AKAP13: variants seen among roughly 807,000 people sequenced by gnomAD.
AKAP13 encodes the protein A-kinase anchoring protein 13.
A neutral mutation model predicts 264.5 loss-of-function variants in AKAP13; 80 were observed. That is an observed-to-expected ratio of 0.30 (90% confidence interval 0.25 to 0.36). The LOEUF is 0.36. Ranked by LOEUF, AKAP13 falls within the 10% of genes least tolerant of loss-of-function variation. AKAP13 has a pLI of 1.00. For missense variants in AKAP13, 3,712 were observed against 3,435.2 expected, an observed-to-expected ratio of 1.08 and a Z score of -2.01; for synonymous variants, 1,380 against 1,250.2, an observed-to-expected ratio of 1.10 and a Z score of -2.19.
chr15:85,526,109 G>A (rs1467540105), intron 3 of AKAP13, among the ~76,000 whole-genome samples: 2 of 152,054 alleles, frequency 1.3e-5, no homozygotes, highest in African/African-American at 4.8e-5. Context: ...TGATAAGGGA[G>A]GGTACTTTAT....
At chr15:85,661,046 G>A (rs1191959084) in intron 12 of AKAP13, among the ~76,000 whole-genome samples, 3 of 152,150 alleles carry the variant, frequency 2.0e-5, no homozygotes, top group Non-Finnish European at 1.5e-5. Context: ...ATTGAGCCGA[G>A]TGTTTTTATT....
intron 2 of AKAP13, among the ~76,000 whole-genome samples, chr15:85,487,881 G>A (rs1170309827): frequency 2.0e-5 from 3 of 151,178 alleles, no homozygotes; most frequent in East Asian, 2.0e-4. Context: ...ACAGGTGTGC[G>A]CCATCATGCC....
Position 85,581,431 on chromosome 15 carries a change from G to T in AKAP13, c.3363G>T (p.Leu1121Phe), listed in dbSNP as rs780013818. The T allele has an allele frequency of 5.0e-6, 8 of 1,614,104 alleles. No individual in the cohort carries two copies. The highest frequency in any genetic ancestry group is 1.1e-5 in the South Asian group (1 of 91,084). Residue 1121 changes from leucine (L) to phenylalanine (F), a missense_variant, in exon 7 of 37, where the codon TTG becomes TTT. Transcript: ENST00000394518. ...AAGACATCCTGATTCCAAACGTCTT[G>T]TTGAGCCAAGAGAAGAATGCCGTTC... ...NTQDILIPNVLLSQEKNAVLG... is the reference protein window; with the variant it reads ...NTQDILIPNVFLSQEKNAVLG...
intron 1 of AKAP13, among the ~76,000 whole-genome samples, chr15:85,413,279 T>C (rs2072072499): frequency 6.6e-6 from 1 of 152,208 alleles, no homozygotes; most frequent in South Asian, 2.1e-4. Flanking sequence ...CTTTCAGAAC[T>C]TCAGAACAGA....
At chr15:85,686,190 C>CGTGT (rs372002113) in intron 16 of AKAP13, among the ~76,000 whole-genome samples, 21,486 of 63,588 alleles carry the variant, frequency 0.34, 2,025 homozygotes, top group Middle Eastern at 0.39. Flanking sequence ...CACGTGCATG[C>CGTGT]ATGTGTGTGT....
chr15:85,456,908 G>A (rs978854088), intron 1 of AKAP13, among the ~76,000 whole-genome samples: 1 of 152,140 alleles, frequency 6.6e-6, no homozygotes, highest in African/African-American at 2.4e-5. Context: ...TGAGGTTGTG[G>A]ATTTGGAGAA....
At chr15:85,460,156 A>G (rs1381409847) in intron 1 of AKAP13, among the ~76,000 whole-genome samples, 1 of 152,228 alleles carries the variant, frequency 6.6e-6, no homozygotes, top group African/African-American at 2.4e-5. Context: ...AGTCAAATTT[A>G]ACTCCATATT....
chr15:85,593,796 CT>C (rs67651822), intron 8 of AKAP13, among the ~76,000 whole-genome samples: 93,771 of 151,812 alleles, frequency 0.62, 29,119 homozygotes, highest in Middle Eastern at 0.72. Context: ...ACTCATTTCT[CT>C]TTTGTTCATT....
chr15:85,700,722 A>G (rs1216498652), intron 17 of AKAP13, among the ~76,000 whole-genome samples: 4 of 152,342 alleles, frequency 2.6e-5, no homozygotes, highest in African/African-American at 9.6e-5. Context: ...TTTAACATCA[A>G]CATATCAGCT....
At chr15:85,622,686 G>A (rs1265379840) in intron 8 of AKAP13, among the ~76,000 whole-genome samples, 1 of 152,170 alleles carries the variant, frequency 6.6e-6, no homozygotes, top group Non-Finnish European at 1.5e-5. Flanking sequence ...CCTACTCTTT[G>A]TCTCATTTTA....
At chr15:85,423,586 T>C (rs1327959707) in intron 1 of AKAP13, among the ~76,000 whole-genome samples, 1 of 152,222 alleles carries the variant, frequency 6.6e-6, no homozygotes, top group African/African-American at 2.4e-5. Flanking sequence ...ACTTCTCCCA[T>C]TGAAGTCTGG....
Position 85,579,371 on chromosome 15 carries a change from GACCAGGAGTCCC to G in AKAP13, c.1304_1315del (p.Asp435_Leu439delinsVal). On this transcript the variant is annotated inframe_deletion, in exon 7 of 37. Coordinates refer to ENST00000394518, the MANE Select transcript of AKAP13 (RefSeq NM_007200.5). The stretch of plus-strand genomic sequence containing the variant: ...AACAAAATCTTCTGGAATGCCCACA[GACCAGGAGTCCC>G]TGAGCAGTGGAGATGCTGTGCTTCA... 1 of 1,614,218 alleles carries G rather than the reference GACCAGGAGTCCC, an allele frequency of 6.2e-7. No homozygotes were observed. The highest frequency in any genetic ancestry group is 8.5e-7 in the Non-Finnish European group (1 of 1,180,036).
chr15:85,635,036 C>A (rs1489249244), intron 8 of AKAP13: 1 of 397,914 alleles, frequency 2.5e-6, no homozygotes, highest in African/African-American at 2.1e-5. Flanking sequence ...TTAAAAATTC[C>A]AGTGCAAGTC....
rs532115518 is a variant in AKAP13, at chr15:85,490,518, T to G, written c.33+4765T>G. Among the ~76,000 whole-genome samples the G allele has an allele frequency of 2.1e-4, 32 of 152,340 alleles. 1 individual carries two copies. The highest frequency in any genetic ancestry group is 2.0e-3 in the Admixed American group (31 of 15,306). On this transcript the variant is annotated intron_variant, in intron 2 of 36. Transcript: ENST00000394518. ...TGACTGTAAGAATAGATGAGCTCTT[T>G]GAGAAGCTAAAAGAGTGGATGGAAT...
chr15:85,403,858 A>G (rs1403589732), intron 1 of AKAP13, among the ~76,000 whole-genome samples: 2 of 151,778 alleles, frequency 1.3e-5, no homozygotes, highest in African/African-American at 4.8e-5. Flanking sequence ...AAAAAAAAAA[A>G]AAAAAAATCT....
intron 8 of AKAP13, among the ~76,000 whole-genome samples, chr15:85,632,712 G>A (rs2081894189): frequency 6.6e-6 from 1 of 152,126 alleles, no homozygotes; most frequent in Non-Finnish European, 1.5e-5. Flanking sequence ...TGTAAAATAT[G>A]AAACTCACTT....
At position 85,733,226 on chromosome 15, in the gene AKAP13, T is replaced by C. The variant is rs1597213431; in HGVS notation, c.7283-1766T>C. Among the ~76,000 whole-genome samples, 8 of 152,364 alleles carry C rather than the reference T, an allele frequency of 5.3e-5. No homozygotes were observed. The South Asian group carries it at 1.7e-3, about 32-fold the overall frequency. On this transcript the variant is annotated intron_variant, in intron 30 of 36. Coordinates refer to ENST00000394518, the MANE Select transcript of AKAP13 (RefSeq NM_007200.5). Reference sequence around the variant, plus strand: ...CTTTATACTTGAAAGCCTATTTTGCTGAATATAAAATTATTGGCTTGTTCA... The same window carrying C: ...CTTTATACTTGAAAGCCTATTTTGCCGAATATAAAATTATTGGCTTGTTCA...
chr15:85,669,154 G>A lies in AKAP13; in HGVS notation c.4993-568G>A, dbSNP rs150879376. Among the ~76,000 whole-genome samples the A allele has an allele frequency of 1.5e-3, 232 of 152,192 alleles. 7 individuals are homozygous for A. In the East Asian group the frequency reaches 0.041, roughly 27 times the overall value. ...AGGAGTCTGAGGCAGGAGAATTGTT[G>A]GAACCTGGAGGCAGAGGTTGCAGTA... On this transcript the variant is annotated intron_variant, in intron 13 of 36. Transcript: ENST00000394518.
chr15:85,521,997 C>T (rs565419294), intron 3 of AKAP13, among the ~76,000 whole-genome samples: 2 of 152,286 alleles, frequency 1.3e-5, no homozygotes, highest in Admixed American at 6.5e-5. Context: ...GATTTCTTTT[C>T]TGAAGAGTAT....
Sources: allele counts gnomAD v4.1 joint callset (sites outside exome capture counted in the v4.1 genomes callset), GRCh38; gene constraint gnomAD v4.1.1; transcripts MANE v1.5; gene names NCBI Gene and HGNC (gene_info 2026-07-23, HGNC 2026-07-21).